The following ANKS1B variants were observed in gnomAD, a reference collection of about 807,000 sequenced individuals.
ANKS1B encodes ankyrin repeat and sterile alpha motif domain-containing protein 1B.
A neutral mutation model predicts 148.3 loss-of-function variants in ANKS1B; 36 were observed. That is an observed-to-expected ratio of 0.24 (90% confidence interval 0.19 to 0.32). ANKS1B has a LOEUF of 0.32. ANKS1B is among the 10% of genes least tolerant of loss of function. ANKS1B has a pLI of 1.00. For missense variants in ANKS1B, 1,157 were observed against 1,542.6 expected (o/e 0.75, Z 4.19); for synonymous variants, 542 against 560.8 (o/e 0.97, Z 0.47).
At chr12:99,191,044 GAACA>G (rs1356146649) in intron 14 of ANKS1B, among the ~76,000 whole-genome samples, 2 of 151,450 alleles carry the variant, frequency 1.3e-5, no homozygotes, top group Admixed American at 1.3e-4. Context: ...TGAAGGATAT[GAACA>G]GACACTTCCC....
chr12:99,553,386 G>A (rs2153174205), intron 9 of ANKS1B, among the ~76,000 whole-genome samples: 1 of 152,240 alleles, frequency 6.6e-6, no homozygotes, highest in South Asian at 2.1e-4. Context: ...GTCCTTAGAT[G>A]AGAGGATTTG....
chr12:98,806,092 G>A (rs2099049029), intron 20 of ANKS1B, among the ~76,000 whole-genome samples: 2 of 152,132 alleles, frequency 1.3e-5, no homozygotes, highest in Admixed American at 1.3e-4. Context: ...GGCTGGTCTC[G>A]AACTCCTGGC....
At chr12:99,214,483 G>A (rs1173612850) in intron 14 of ANKS1B, among the ~76,000 whole-genome samples, 1 of 152,116 alleles carries the variant, frequency 6.6e-6, no homozygotes, top group East Asian at 1.9e-4. Flanking sequence ...AGATCTGATG[G>A]TTTTATAAGG....
chr12:99,339,491 A>T (rs573347480), intron 12 of ANKS1B, among the ~76,000 whole-genome samples: 2 of 152,180 alleles, frequency 1.3e-5, no homozygotes, highest in African/African-American at 4.8e-5. Context: ...GTGATTGCTC[A>T]CCTAAATTTT....
intron 12 of ANKS1B, among the ~76,000 whole-genome samples, chr12:99,331,879 C>A (rs867834360): frequency 6.6e-6 from 1 of 151,782 alleles, no homozygotes; most frequent in Non-Finnish European, 1.5e-5. Flanking sequence ...CTGAATCATA[C>A]GTGGGGAATG....
chr12:99,618,545 C>T (rs1389199895), intron 9 of ANKS1B, among the ~76,000 whole-genome samples: 1 of 152,050 alleles, frequency 6.6e-6, no homozygotes. Flanking sequence ...CAACAGCTTC[C>T]ATGACAGCAT....
At chr12:99,859,819 ATATGTT>A (rs1181407804) in intron 1 of ANKS1B, among the ~76,000 whole-genome samples, 1 of 151,852 alleles carries the variant, frequency 6.6e-6, no homozygotes, top group African/African-American at 2.4e-5. Flanking sequence ...GCTAATTTTT[ATATGTT>A]TTAGTAGATA....
intron 1 of ANKS1B, among the ~76,000 whole-genome samples, chr12:99,882,804 A>C (rs1453885693): frequency 2.0e-5 from 3 of 152,220 alleles, no homozygotes; most frequent in Non-Finnish European, 4.4e-5. Flanking sequence ...AATCATAAGA[A>C]GAAAAATAAT....
intron 14 of ANKS1B, among the ~76,000 whole-genome samples, chr12:99,188,210 C>A (rs2080149552): frequency 6.6e-6 from 1 of 152,204 alleles, no homozygotes; most frequent in Non-Finnish European, 1.5e-5. Context: ...TCTTAGAGAC[C>A]TACAAAGAGA....
At chr12:99,128,405 G>T (rs1457153156) in intron 15 of ANKS1B, among the ~76,000 whole-genome samples, 2 of 152,198 alleles carry the variant, frequency 1.3e-5, no homozygotes, top group African/African-American at 4.8e-5. Context: ...CACGGACCAT[G>T]AATGAGTTGC....
At chr12:99,318,077 T>C (rs546457532) in intron 12 of ANKS1B, among the ~76,000 whole-genome samples, 120 of 152,332 alleles carry the variant, frequency 7.9e-4, no homozygotes, top group South Asian at 3.9e-3. Context: ...CAGTATTTTA[T>C]TGAGGATTTT....
At chr12:99,032,886 T>C (rs1414841730) in intron 17 of ANKS1B, among the ~76,000 whole-genome samples, 1 of 152,214 alleles carries the variant, frequency 6.6e-6, no homozygotes, top group African/African-American at 2.4e-5. Context: ...TCTGATTACA[T>C]TTTAGTCTTT....
At chr12:98,917,789 A>G (rs553290847) in intron 17 of ANKS1B, among the ~76,000 whole-genome samples, 15 of 152,302 alleles carry the variant, frequency 9.8e-5, no homozygotes, top group African/African-American at 3.4e-4. Context: ...AATGAGGAGG[A>G]AGGGAGGCTA....
chr12:99,369,747 AAGAT>A (rs75456516), intron 12 of ANKS1B, among the ~76,000 whole-genome samples: 4,880 of 143,354 alleles, frequency 0.034, 96 homozygotes, highest in Middle Eastern at 0.052. Flanking sequence ...AATGGATAGA[AAGAT>A]AGATAGATAG....
At chr12:99,675,927 T>C (rs1050478683) in intron 8 of ANKS1B, among the ~76,000 whole-genome samples, 1 of 152,170 alleles carries the variant, frequency 6.6e-6, no homozygotes, top group African/African-American at 2.4e-5. Flanking sequence ...TTCATTTTTA[T>C]AGTGACTTGT....
chr12:99,510,204 C>T (rs2096750612), intron 9 of ANKS1B, among the ~76,000 whole-genome samples: 1 of 151,984 alleles, frequency 6.6e-6, no homozygotes, highest in African/African-American at 2.4e-5. Flanking sequence ...ACTGTTAACA[C>T]AGCATGTATT....
intron 9 of ANKS1B, among the ~76,000 whole-genome samples, chr12:99,545,871 T>C (rs2097168709): frequency 6.6e-6 from 1 of 151,716 alleles, no homozygotes; most frequent in Admixed American, 6.6e-5. Flanking sequence ...CTATATCCAA[T>C]AACATTTGCC....
intron 9 of ANKS1B, among the ~76,000 whole-genome samples, chr12:99,646,422 C>T (rs897870766): frequency 6.6e-6 from 1 of 151,946 alleles, no homozygotes; most frequent in Non-Finnish European, 1.5e-5. Context: ...ACTTGGGGGG[C>T]CAAGGCGGGC....
At chr12:99,600,413 G>C (rs1418969735) in intron 9 of ANKS1B, among the ~76,000 whole-genome samples, 1 of 151,914 alleles carries the variant, frequency 6.6e-6, no homozygotes, top group Admixed American at 6.6e-5. Flanking sequence ...GGACTTTTAT[G>C]CCGCTGCGAA....
Sources: gnomAD v4.1 joint callset for allele counts (sites outside exome capture counted in the v4.1 genomes callset) on GRCh38, gnomAD v4.1.1 for gene constraint, MANE v1.5 for transcripts, NCBI Gene and HGNC (gene_info 2026-07-23, HGNC 2026-07-21) for gene names.